CC2D2A: variants seen among roughly 807,000 people sequenced by gnomAD.
CC2D2A encodes coiled-coil and C2 domain-containing protein 2A.
CC2D2A carries 155 observed loss-of-function variants against 212.9 expected under a neutral mutation model. That is an observed-to-expected ratio of 0.73 (90% confidence interval 0.64 to 0.83). The LOEUF is 0.83. Ranked by LOEUF, CC2D2A falls within the 40% of genes least tolerant of loss-of-function variation. The pLI is 0.00. For missense variants in CC2D2A, 1,856 were observed against 1,956.2 expected (o/e 0.95, Z 0.97); for synonymous variants, 667 against 686.5 (o/e 0.97, Z 0.44).
At chr4:15,551,314 T>A (rs1718997727) in intron 18 of CC2D2A, among the ~76,000 whole-genome samples, 1 of 152,224 alleles carries the variant, frequency 6.6e-6, no homozygotes, top group Non-Finnish European at 1.5e-5. Flanking sequence ...AAAATGTACA[T>A]CACAGTGTTG....
Position 15,599,540 on chromosome 4 carries a change from T to A in CC2D2A, c.4508T>A (p.Ile1503Lys). The A allele has an allele frequency of 6.4e-7, 1 of 1,562,138 alleles. No homozygotes were observed. Among genetic ancestry groups the A allele is most frequent in the Non-Finnish European group, 8.7e-7 (1 of 1,150,302 alleles). ...AAELQDRIEK[I>K]LKEKIMDWRP... is the part of the protein sequence containing the mutation. ...TGTTTTGTGAACAGGATTGAAAAAA[T>A]ACTAAAAGAAAAAATCATGGACTGG... The change falls in exon 36 of 37, where the codon ATA (isoleucine) becomes AAA (lysine). Residue 1503 changes from isoleucine to lysine, a missense_variant. Transcript: ENST00000424120.
At chr4:15,511,040 G>A (rs1325528743) in intron 7 of CC2D2A, among the ~76,000 whole-genome samples, 1 of 152,146 alleles carries the variant, frequency 6.6e-6, no homozygotes, top group Non-Finnish European at 1.5e-5. Context: ...TCACTAATTA[G>A]AGTTACTATT....
intron 16 of CC2D2A, among the ~76,000 whole-genome samples, chr4:15,539,105 T>C (rs1019128872): frequency 3.9e-5 from 6 of 152,090 alleles, no homozygotes; most frequent in African/African-American, 1.4e-4. Flanking sequence ...TAAGAAAGAT[T>C]AATAAAAACT....
At chr4:15,500,101 G>GTATA (rs1222191394) in intron 4 of CC2D2A, among the ~76,000 whole-genome samples, 34 of 71,104 alleles carry the variant, frequency 4.8e-4, no homozygotes, top group Non-Finnish European at 9.6e-4. Context: ...GTGTGTGTGT[G>GTATA]TGTGTGTATA....
At chr4:15,595,367 A>T (rs1324104825) in intron 33 of CC2D2A, among the ~76,000 whole-genome samples, 1 of 152,242 alleles carries the variant, frequency 6.6e-6, no homozygotes, top group Non-Finnish European at 1.5e-5. Context: ...TAACAGCCTA[A>T]TGTGGACACG....
chr4:15,559,367 A>AAGTG, intron 22 of CC2D2A, 110 bp downstream of exon 22: 5 of 664,272 alleles, frequency 7.5e-6, no homozygotes, highest in Non-Finnish European at 1.0e-5. Context: ...CAAGCCACTT[A>AAGTG]GCTTGCATAA....
rs1718397286 is a variant in CC2D2A at position 15,540,924 on chromosome 4, C to T, written c.2091C>T (p.Val697=). 6.3e-7 allele frequency: 1 copy of T among 1,575,724 alleles called. No homozygotes were observed. The highest frequency in any genetic ancestry group is 8.6e-7 in the Non-Finnish European group (1 of 1,160,382). The change falls in exon 17 of 37, where the codon GTC becomes GTT. Residue 697 remains valine, a synonymous_variant. Transcript: ENST00000424120. ...ACAACAAGGAGGTGTCCAGGACAGT[C>T]AGTCGGCCACTAGGAGCAGACTTCC... ...LFNNKEVSRT[V]SRPLGADFRV... is the part of the protein sequence containing the mutation.
intron 3 of CC2D2A, chr4:15,479,427 G>T (rs1160688749): frequency 2.0e-6 from 2 of 987,742 alleles, no homozygotes; most frequent in Admixed American, 4.0e-5. Context: ...GCCAGCAGGG[G>T]AGGGAGGGGA....
At position 15,557,044 on chromosome 4, in the gene CC2D2A, G is replaced by A. The variant is rs78223914; in HGVS notation, c.2626-260G>A. On this transcript the variant is annotated intron_variant, in intron 20 of 36. Coordinates refer to ENST00000424120, the MANE Select transcript of CC2D2A (RefSeq NM_001378615.1). ...CTCTCCTTTTTCAGTCTGTATATTTGTGTAATAACACTACTAGGGAAGCAT... is the reference window on the plus strand; with the variant it reads ...CTCTCCTTTTTCAGTCTGTATATTTATGTAATAACACTACTAGGGAAGCAT... 3.4e-3 allele frequency among the ~76,000 whole-genome samples: 519 copies of A among 152,222 alleles called. 2 individuals are homozygous for A. The highest frequency in any genetic ancestry group is 0.019 in the East Asian group (98 of 5,186).
At chr4:15,538,689 C>G (rs912020295) in intron 16 of CC2D2A, among the ~76,000 whole-genome samples, 1 of 152,200 alleles carries the variant, frequency 6.6e-6, no homozygotes, top group Non-Finnish European at 1.5e-5. Flanking sequence ...TCTAGTCATT[C>G]TCACTTGATG....
intron 29 of CC2D2A, among the ~76,000 whole-genome samples, chr4:15,579,435 C>A (rs1346919448): frequency 6.6e-6 from 1 of 152,080 alleles, no homozygotes; most frequent in East Asian, 1.9e-4. Flanking sequence ...TCTAGTTCTG[C>A]CTCTTTTTTC....
chr4:15,563,623 G>C (rs1279494444), intron 24 of CC2D2A, 101 bp downstream of exon 24: 1 of 1,304,502 alleles, frequency 7.7e-7, no homozygotes, highest in Non-Finnish European at 1.1e-6. Context: ...CGTGGTTATT[G>C]TTCAGCAGGG....
intron 33 of CC2D2A, among the ~76,000 whole-genome samples, chr4:15,593,404 A>G (rs532927381): frequency 6.6e-6 from 1 of 152,330 alleles, no homozygotes; most frequent in South Asian, 2.1e-4. Flanking sequence ...TTGAAACATT[A>G]GAGATCCTCA....
At position 15,541,298 on chromosome 4, in the gene CC2D2A, G is replaced by A. The variant is rs1411946947; in HGVS notation, c.2181+284G>A. On this transcript the variant is annotated intron_variant, in intron 17 of 36. Transcript: ENST00000424120. Reference sequence around the variant, plus strand: ...CATGCCACTGTACTCCAGCCTAGGCGACAGAGTGTGACTCTGTCTCAAAAC... The same window carrying A: ...CATGCCACTGTACTCCAGCCTAGGCAACAGAGTGTGACTCTGTCTCAAAAC... Among the ~76,000 whole-genome samples, 7 of 151,924 alleles carry A rather than the reference G, an allele frequency of 4.6e-5. No homozygotes were observed. In the East Asian group the frequency reaches 1.4e-3, roughly 29 times the overall value.
chr4:15,483,172 GTAT>G (rs890651657), intron 4 of CC2D2A, among the ~76,000 whole-genome samples: 4 of 152,236 alleles, frequency 2.6e-5, no homozygotes, highest in African/African-American at 7.2e-5. Flanking sequence ...AGCAGAGGAA[GTAT>G]TATTATACCA....
intron 6 of CC2D2A, among the ~76,000 whole-genome samples, chr4:15,505,487 C>T (rs1471301823): frequency 3.9e-5 from 6 of 152,134 alleles, no homozygotes; most frequent in Admixed American, 3.9e-4. Flanking sequence ...TCCTTCCTGC[C>T]AGGTGTCCGA....
intron 6 of CC2D2A, among the ~76,000 whole-genome samples, chr4:15,508,513 C>G: frequency 6.6e-6 from 1 of 152,108 alleles, no homozygotes; most frequent in East Asian, 1.9e-4. Flanking sequence ...ATGTACATTT[C>G]CTTATTTGAT....
At position 15,553,211 on chromosome 4, in the gene CC2D2A, T is replaced by C; in HGVS notation, c.2392T>C (p.Ser798Pro). 1 of 1,611,932 alleles carries C rather than the reference T, an allele frequency of 6.2e-7. No homozygotes were observed. Among genetic ancestry groups the C allele is most frequent in the Non-Finnish European group, 8.5e-7 (1 of 1,179,176 alleles). Residue 798 changes from serine to proline, a missense_variant, in exon 19 of 37, where the codon TCA (serine) becomes CCA (proline). Ser to Pro is a moderately conservative substitution (Grantham distance 74). This residue lies in a region of CC2D2A where 1,512 missense variants were observed against 1,579.3 expected (regional missense o/e 0.96). Coordinates refer to ENST00000424120, the MANE Select transcript of CC2D2A (RefSeq NM_001378615.1). Reference protein sequence around the residue: ...DGSNQLTLMTSGKVSHSVAWA... With the variant: ...DGSNQLTLMTPGKVSHSVAWA... Reference sequence around the variant, plus strand: ...CAGTAACCAGCTGACTCTGATGACCTCAGGGAAAGTGTCTCATAGTGTGGC... The same window carrying C: ...CAGTAACCAGCTGACTCTGATGACCCCAGGGAAAGTGTCTCATAGTGTGGC...
At chr4:15,499,872 G>C (rs1321487110) in intron 4 of CC2D2A, among the ~76,000 whole-genome samples, 2 of 152,034 alleles carry the variant, frequency 1.3e-5, no homozygotes, top group African/African-American at 4.8e-5. Context: ...TTCCACACAT[G>C]CTTAGTGATA....
Sources: allele counts gnomAD v4.1 joint callset (sites outside exome capture counted in the v4.1 genomes callset), GRCh38; gene constraint gnomAD v4.1.1; regional missense constraint gnomAD v4.1.1; transcripts MANE v1.5; gene names NCBI Gene and HGNC (gene_info 2026-07-23, HGNC 2026-07-21).